The following TFCP2 variants were observed in gnomAD, a reference collection of about 807,000 sequenced individuals.
TFCP2 encodes the protein alpha-globin transcription factor CP2.
TFCP2 carries 33 observed loss-of-function variants against 73.4 expected under a neutral mutation model. That is an observed-to-expected ratio of 0.45 (90% CI 0.34 to 0.60). The LOEUF (loss-of-function observed/expected upper bound fraction) is 0.60, where lower values mean the gene tolerates loss of function less well. Among genes scored for constraint, TFCP2 ranks in the 20% least tolerant of loss-of-function variants. The pLI is 0.01. For synonymous variants in TFCP2, 193 were observed against 211.6 expected, an observed-to-expected ratio of 0.91 and a Z score of 0.76; for missense variants, 352 against 604.0, an observed-to-expected ratio of 0.58 and a Z score of 4.37.
chr12:51,150,232 A>G (rs1344472429), intron 1 of TFCP2, among the ~76,000 whole-genome samples: 1 of 152,158 alleles, frequency 6.6e-6, no homozygotes, highest in Non-Finnish European at 1.5e-5. Flanking sequence ...AGCCTGGCCA[A>G]CATGGCGAAA....
At chr12:51,134,278 A>T (rs1198782933) in intron 1 of TFCP2, among the ~76,000 whole-genome samples, 1 of 151,980 alleles carries the variant, frequency 6.6e-6, no homozygotes, top group Non-Finnish European at 1.5e-5. Context: ...TAATTTTGGT[A>T]TTTTTTCTTT....
intron 1 of TFCP2, among the ~76,000 whole-genome samples, chr12:51,168,238 A>G (rs559281287): frequency 6.6e-6 from 1 of 152,156 alleles, no homozygotes; most frequent in South Asian, 2.1e-4. Context: ...TCTGCAAAAC[A>G]TTTAAAAATC....
At chr12:51,164,331 G>A (rs1294173368) in intron 1 of TFCP2, among the ~76,000 whole-genome samples, 1 of 151,650 alleles carries the variant, frequency 6.6e-6, no homozygotes, top group African/African-American at 2.4e-5. Context: ...GGGTATGGTG[G>A]CTCACGCCTG....
chr12:51,124,611 C>A (rs1181240401), intron 1 of TFCP2: 2 of 527,600 alleles, frequency 3.8e-6, no homozygotes, highest in African/African-American at 3.8e-5. Flanking sequence ...GAGCGGACTG[C>A]CCCGCCGGCA....
intron 1 of TFCP2, among the ~76,000 whole-genome samples, chr12:51,122,265 T>C (rs893357992): frequency 1.4e-5 from 2 of 140,958 alleles, no homozygotes; most frequent in Non-Finnish European, 3.1e-5. Flanking sequence ...TTTTTTTTTT[T>C]TTTTTTTTTT....
At chr12:51,171,139 T>C (rs1219352540) in intron 1 of TFCP2, among the ~76,000 whole-genome samples, 1 of 152,184 alleles carries the variant, frequency 6.6e-6, no homozygotes, top group Non-Finnish European at 1.5e-5. Context: ...TATGAACTCA[T>C]AAACCCAATG....
intron 1 of TFCP2, among the ~76,000 whole-genome samples, chr12:51,154,931 T>C (rs1389851555): frequency 1.3e-5 from 2 of 152,176 alleles, no homozygotes; most frequent in Non-Finnish European, 2.9e-5. Flanking sequence ...GGGTAAAGCA[T>C]GATTTCTGAC....
In TFCP2 at chr12:51,109,695, A is replaced by G. The variant is rs535994811; in HGVS notation, c.565-422T>C. Among the ~76,000 whole-genome samples, 230 of 150,288 alleles carry G rather than the reference A, an allele frequency of 1.5e-3. 3 individuals are homozygous for G. In the Admixed American group the frequency reaches 0.016, roughly 10 times the overall value. On this transcript the variant is annotated intron_variant, in intron 5 of 14. Coordinates refer to ENST00000257915, the MANE Select transcript of TFCP2 (RefSeq NM_005653.5). Reference sequence around the variant, plus strand: ...AGAAAAAGGTTTGCTTGGCTACTGCATAAAGTCTAAGATTGGTGAATTTTT... The same window carrying G: ...AGAAAAAGGTTTGCTTGGCTACTGCGTAAAGTCTAAGATTGGTGAATTTTT...
rs1207797765 is a variant in TFCP2 at position 51,156,109 on chromosome 12, T to C, written c.122+16192A>G. ...AGTCCATAGATTTCTTATAGCATCT[T>C]TGTAGGGCTTTGGCATCAAGACTAT... is the stretch of plus-strand genomic sequence containing the variant. On this transcript the variant is annotated intron_variant, in intron 1 of 14. Transcript: ENST00000257915. Among the ~76,000 whole-genome samples, 3 of 152,070 alleles carry C rather than the reference T, an allele frequency of 2.0e-5. No homozygotes were observed. The East Asian group carries it at 5.8e-4, about 29-fold the overall frequency.
chr12:51,103,707 A>C lies in TFCP2; in HGVS notation c.1023T>G (p.Arg341=), dbSNP rs2136964369. The C allele has an allele frequency of 1.9e-6, 3 of 1,614,104 alleles. No homozygotes were observed. The South Asian group carries it at 3.3e-5, about 18-fold the overall frequency. Residue 341 remains arginine, a synonymous_variant, in exon 10 of 15, where the codon CGT becomes CGG. Transcript: ENST00000257915. ...QEAQQWLHRN[R]FSTFTRLFTN... ...TGAAAAGCCTTGTGAATGTAGAAAAACGATTTCGATGCAACCACTGCTGAG... is the reference window on the plus strand; with the variant it reads ...TGAAAAGCCTTGTGAATGTAGAAAACCGATTTCGATGCAACCACTGCTGAG...
intron 1 of TFCP2, among the ~76,000 whole-genome samples, chr12:51,141,254 T>C (rs902509515): frequency 2.0e-5 from 3 of 151,132 alleles, no homozygotes; most frequent in African/African-American, 7.3e-5. Context: ...GATTCTGCAA[T>C]ATAGCTGATC....
intron 10 of TFCP2, among the ~76,000 whole-genome samples, chr12:51,102,408 C>T (rs1940131699): frequency 6.6e-6 from 1 of 151,820 alleles, no homozygotes; most frequent in African/African-American, 2.4e-5. Context: ...GCGTGGGCAA[C>T]ATAGCAAGAC....
intron 1 of TFCP2, among the ~76,000 whole-genome samples, chr12:51,136,314 A>G (rs562957385): frequency 2.6e-5 from 4 of 151,588 alleles, no homozygotes; most frequent in Admixed American, 2.6e-4. Context: ...AAAAAAAAAA[A>G]AAAGAAAAAG....
chr12:51,116,400 G>A lies in TFCP2; in HGVS notation c.372C>T (p.Phe124=), dbSNP rs768234126. 1.9e-6 allele frequency: 3 copies of A among 1,599,430 alleles called. No homozygotes were observed. Among genetic ancestry groups the A allele is most frequent in the East Asian group, 2.2e-5 (1 of 44,456 alleles). Reference sequence around the variant, plus strand: ...CAGTGTACTGAAGCCTTCTGTCATGGAACACCACACGGAATATACTCTAAA... The same window carrying A: ...CAGTGTACTGAAGCCTTCTGTCATGAAACACCACACGGAATATACTCTAAA... ...KLVKSIFRVV[F]HDRRLQYTEH... Residue 124 remains phenylalanine, a synonymous_variant, in exon 4 of 15, where the codon TTC becomes TTT. Transcript: ENST00000257915.
intron 1 of TFCP2, among the ~76,000 whole-genome samples, chr12:51,122,614 G>C (rs74406372): frequency 0.011 from 1,672 of 152,128 alleles, 17 homozygotes; most frequent in Middle Eastern, 0.02. Context: ...AACACAAAAG[G>C]CACTTTCTTT....
At position 51,172,825 on chromosome 12, in the gene TFCP2, C is replaced by G. The variant is rs1941889959; in HGVS notation, c.-403G>C. 5.5e-6 allele frequency: 1 copy of G among 180,724 alleles called. No individual in the cohort carries two copies. Among genetic ancestry groups the G allele is most frequent in the African/African-American group, 2.4e-5 (1 of 42,332 alleles). The allele number at this position is 180,724 out of a possible 1,614,324, so 11.2% of individuals were successfully genotyped here. On this transcript the variant is annotated 5_prime_UTR_variant, in exon 1 of 15. Transcript: ENST00000257915. ...CCGGCGCTCCCACGCTGCTTTTGCACCTTTTCCCCCGCCCCTTTCTGCTGG... is the reference window on the plus strand; with the variant it reads ...CCGGCGCTCCCACGCTGCTTTTGCAGCTTTTCCCCCGCCCCTTTCTGCTGG...
intron 1 of TFCP2, among the ~76,000 whole-genome samples, chr12:51,144,406 T>C (rs1469150074): frequency 6.6e-6 from 1 of 152,170 alleles, no homozygotes; most frequent in African/African-American, 2.4e-5. Context: ...ATGAGGGCTA[T>C]GCCCTGCCAG....
intron 1 of TFCP2, among the ~76,000 whole-genome samples, chr12:51,161,907 AC>A (rs199964282): frequency 6.8e-4 from 102 of 150,084 alleles, no homozygotes; most frequent in African/African-American, 1.8e-3. Context: ...AAACAAACAA[AC>A]AAAAAAACTA....
intron 1 of TFCP2, among the ~76,000 whole-genome samples, chr12:51,165,165 G>A (rs1207601097): frequency 1.3e-5 from 2 of 151,990 alleles, no homozygotes; most frequent in East Asian, 3.9e-4. Flanking sequence ...GACCAGCCTG[G>A]GCAACATAGG....
Sources: allele counts gnomAD v4.1 joint callset (sites outside exome capture counted in the v4.1 genomes callset), GRCh38; gene constraint gnomAD v4.1.1; transcripts MANE v1.5; gene names NCBI Gene and HGNC (gene_info 2026-07-23, HGNC 2026-07-21).